The following CCND3 variants were observed in gnomAD, a reference collection of about 807,000 sequenced individuals.
The protein encoded by CCND3 is cyclin D3.
In CCND3, 9 loss-of-function variants were observed where a neutral mutation model predicts 28.7. That is an observed-to-expected ratio of 0.31 (90% CI 0.19 to 0.55). The LOEUF is 0.55. Among genes scored for constraint, CCND3 ranks in the 20% least tolerant of loss-of-function variants. The pLI, the probability that CCND3 is intolerant of heterozygous loss-of-function variation, is 0.93. For synonymous variants in CCND3, 164 were observed against 163.9 expected (o/e 1.00, Z 0.00); for missense variants, 315 against 385.8 (o/e 0.82, Z 1.54).
At chr6:41,976,864 C>G (rs138948406) in intron 1 of CCND3, among the ~76,000 whole-genome samples, 1 of 152,114 alleles carries the variant, frequency 6.6e-6, no homozygotes, top group Non-Finnish European at 1.5e-5. Flanking sequence ...TTCCCATCAG[C>G]GTACACTTGC....
chr6:42,036,401 ATATT>A lies in CCND3; in HGVS notation c.-46+12096_-46+12099del, dbSNP rs1393040794. ...ACTATATATATATATATATATATATATATTTTTTTTTTTTTTTTTTTTTTTTGAC... is the reference window on the plus strand; with the variant it reads ...ACTATATATATATATATATATATATATTTTTTTTTTTTTTTTTTTTTTGAC... On this transcript the variant is annotated intron_variant, in intron 1 of 4. Transcript: ENST00000372988. Among the ~76,000 whole-genome samples, 16 of 34,008 alleles carry A rather than the reference ATATT, an allele frequency of 4.7e-4. No homozygotes were observed. The East Asian group carries it at 9.3e-3, about 20-fold the overall frequency. The allele number at this position is 34,008 out of a possible 152,430, so 22.3% of individuals were successfully genotyped here.
chr6:42,035,524 C>T (rs927470845), intron 1 of CCND3, among the ~76,000 whole-genome samples: 6 of 151,600 alleles, frequency 4.0e-5, no homozygotes, highest in Admixed American at 2.0e-4. Flanking sequence ...CCCACTACCA[C>T]GCCTGGCTAA....
At chr6:42,009,907 T>A (rs1020608740) in intron 1 of CCND3, among the ~76,000 whole-genome samples, 1 of 152,118 alleles carries the variant, frequency 6.6e-6, no homozygotes, top group East Asian at 1.9e-4. Context: ...AACTTAGAAA[T>A]GCAGATTGTT....
intron 1 of CCND3, among the ~76,000 whole-genome samples, chr6:42,009,123 C>T (rs1053932738): frequency 6.6e-6 from 1 of 152,172 alleles, no homozygotes; most frequent in African/African-American, 2.4e-5. Context: ...GGGGGCTCAA[C>T]TTCCTTGAGT....
chr6:42,016,593 CTT>C (rs377188844), intron 1 of CCND3, among the ~76,000 whole-genome samples: 2 of 138,552 alleles, frequency 1.4e-5, no homozygotes, highest in African/African-American at 2.7e-5. Flanking sequence ...CTATCTATTA[CTT>C]TTTTTTTTTT....
chr6:41,971,582 G>T (rs1196384901), intron 1 of CCND3, among the ~76,000 whole-genome samples: 2 of 151,088 alleles, frequency 1.3e-5, no homozygotes, highest in Non-Finnish European at 2.9e-5. Flanking sequence ...TCGTTCTGTC[G>T]CCAGGCTGGA....
chr6:42,009,580 C>T (rs574251028), intron 1 of CCND3, among the ~76,000 whole-genome samples: 2 of 152,160 alleles, frequency 1.3e-5, no homozygotes, highest in African/African-American at 2.4e-5. Context: ...CCATTCCACT[C>T]CAGTCTGGGC....
intron 1 of CCND3, chr6:42,031,468 CT>C (rs539585174): frequency 3.5e-4 from 53 of 152,328 alleles, no homozygotes; most frequent in African/African-American, 9.9e-4. Flanking sequence ...TCACACTGTA[CT>C]CCTTCCTGCC....
At chr6:41,980,503 G>A (rs1196271965) in intron 1 of CCND3, among the ~76,000 whole-genome samples, 3 of 49,634 alleles carry the variant, frequency 6.0e-5, no homozygotes, top group Non-Finnish European at 1.2e-4. Context: ...TCTTTCAGAA[G>A]ACAGAGGCAG....
upstream of CCND3, among the ~76,000 whole-genome samples, chr6:41,942,834 A>G (rs1418774096): frequency 2.0e-5 from 3 of 150,950 alleles, no homozygotes; most frequent in Admixed American, 2.0e-4. Context: ...GACTTAGGAG[A>G]CACTAAGGAA....
chr6:41,979,666 T>C (rs998560636), intron 1 of CCND3, among the ~76,000 whole-genome samples: 2 of 150,832 alleles, frequency 1.3e-5, no homozygotes, highest in African/African-American at 4.9e-5. Context: ...TGTATATATA[T>C]ATATATGGAT....
intron 1 of CCND3, among the ~76,000 whole-genome samples, chr6:41,990,136 AGT>A (rs1404026651): frequency 3.3e-5 from 5 of 152,186 alleles, no homozygotes; most frequent in African/African-American, 1.2e-4. Context: ...AAAAATCAGT[AGT>A]GTTTCTATAC....
At chr6:41,963,326 G>A (rs916201683) in intron 1 of CCND3, among the ~76,000 whole-genome samples, 2 of 152,224 alleles carry the variant, frequency 1.3e-5, no homozygotes, top group African/African-American at 2.4e-5. Flanking sequence ...TTGAAGGAAG[G>A]TGTGATGTGA....
intron 1 of CCND3, among the ~76,000 whole-genome samples, chr6:41,988,702 T>TTC (rs201269674): frequency 0.033 from 1,460 of 44,214 alleles, 26 homozygotes; most frequent in Non-Finnish European, 0.068. Flanking sequence ...TTCTTTTCTT[T>TTC]TTTTTTTTTT....
At chr6:42,045,007 T>C (rs1764499674) in intron 1 of CCND3, among the ~76,000 whole-genome samples, 2 of 148,684 alleles carry the variant, frequency 1.3e-5, no homozygotes, top group African/African-American at 2.5e-5. Context: ...GGTTTCACCA[T>C]GTTGGTCAGG....
At chr6:41,964,493 T>A (rs1177194439) in intron 1 of CCND3, among the ~76,000 whole-genome samples, 4 of 133,220 alleles carry the variant, frequency 3.0e-5, no homozygotes, top group African/African-American at 1.1e-4. Context: ...TGAATGTGTG[T>A]GTGTGAGTGT....
chr6:42,034,721 G>A (rs375157061), intron 1 of CCND3, among the ~76,000 whole-genome samples: 29 of 150,548 alleles, frequency 1.9e-4, no homozygotes, highest in Middle Eastern at 3.6e-3. Context: ...CTAGTGATCC[G>A]GCCGCCTCGG....
At chr6:41,981,699 T>A (rs1762353568) in intron 1 of CCND3, among the ~76,000 whole-genome samples, 1 of 151,674 alleles carries the variant, frequency 6.6e-6, no homozygotes, top group Admixed American at 6.6e-5. Flanking sequence ...AATTTTTGTA[T>A]TTTTAGTAGA....
intron 1 of CCND3, among the ~76,000 whole-genome samples, chr6:41,975,364 C>T (rs1003625747): frequency 7.2e-5 from 11 of 152,166 alleles, no homozygotes; most frequent in African/African-American, 1.9e-4. Flanking sequence ...GCAACCCAAG[C>T]GAGGGTATCT....
Sources: allele counts gnomAD v4.1 joint callset (sites outside exome capture counted in the v4.1 genomes callset), GRCh38; gene constraint gnomAD v4.1.1; transcripts MANE v1.5; gene names NCBI Gene and HGNC (gene_info 2026-07-23, HGNC 2026-07-21).